Variants in NAV1 observed in about 807,000 individuals in gnomAD.
NAV1 encodes pore membrane and/or filament interacting like protein 3.
A neutral mutation model predicts 175.2 loss-of-function variants in NAV1; 18 were observed. That is an observed-to-expected ratio of 0.10 (90% CI 0.07 to 0.15). The LOEUF is 0.15. Among genes scored for constraint, NAV1 ranks in the 10% least tolerant of loss-of-function variants. The pLI is 1.00. For synonymous variants in NAV1, 897 were observed against 978.7 expected (o/e 0.92, Z 1.56); for missense variants, 1,731 against 2,436.6 (o/e 0.71, Z 6.10).
intron 2 of NAV1, among the ~76,000 whole-genome samples, chr1:201,614,522 G>A (rs1667946924): frequency 6.6e-6 from 1 of 152,224 alleles, no homozygotes; most frequent in African/African-American, 2.4e-5. Flanking sequence ...CCCATCCTGG[G>A]AGATCAGAGG....
intron 1 of NAV1, among the ~76,000 whole-genome samples, chr1:201,544,940 C>G (rs972416658): frequency 6.6e-5 from 10 of 152,172 alleles, no homozygotes; most frequent in African/African-American, 2.4e-4. Flanking sequence ...AAGACTTGAA[C>G]TCAAGGTTCA....
At chr1:201,713,165 C>T (rs1335856991) in intron 2 of NAV1, among the ~76,000 whole-genome samples, 1 of 152,192 alleles carries the variant, frequency 6.6e-6, no homozygotes, top group Non-Finnish European at 1.5e-5. Context: ...AAATCACTAG[C>T]TTAGGAGCCA....
intron 1 of NAV1, among the ~76,000 whole-genome samples, chr1:201,661,967 A>C (rs1215859896): frequency 6.6e-6 from 1 of 152,242 alleles, no homozygotes; most frequent in African/African-American, 2.4e-5. Context: ...TGGGTTAGGT[A>C]CTACTCTTAT....
At chr1:201,662,961 G>A (rs550049130) in intron 1 of NAV1, among the ~76,000 whole-genome samples, 9 of 83,874 alleles carry the variant, frequency 1.1e-4, no homozygotes, top group African/African-American at 1.7e-4. Flanking sequence ...GGAAAGGGAC[G>A]AAGTTTTCTA....
At chr1:201,619,158 G>A (rs1356625147), upstream of NAV1, among the ~76,000 whole-genome samples, 1 of 152,162 alleles carries the variant, frequency 6.6e-6, no homozygotes, top group African/African-American at 2.4e-5. Context: ...TCCTCCCATC[G>A]AGCTTTTGAA....
chr1:201,764,470 C>G (rs1011499335), intron 3 of NAV1, among the ~76,000 whole-genome samples: 1 of 152,160 alleles, frequency 6.6e-6, no homozygotes, highest in Non-Finnish European at 1.5e-5. Context: ...TCTCCTTTTT[C>G]TTATAAGGAC....
intron 1 of NAV1, among the ~76,000 whole-genome samples, chr1:201,545,569 A>G (rs1665643524): frequency 6.6e-6 from 1 of 152,022 alleles, no homozygotes; most frequent in African/African-American, 2.4e-5. Context: ...GCCCAGTCTC[A>G]TCCTATTTCT....
At chr1:201,567,558 A>C (rs1666392653) in intron 1 of NAV1, among the ~76,000 whole-genome samples, 1 of 152,192 alleles carries the variant, frequency 6.6e-6, no homozygotes, top group African/African-American at 2.4e-5. Flanking sequence ...CATATGGTCT[A>C]ACTGAATCAG....
exon 30 of NAV1, chr1:201,822,135 AT>A (rs1371347384): frequency 2.6e-5 from 4 of 152,648 alleles, no homozygotes; most frequent in African/African-American, 9.7e-5. Flanking sequence ...ATTGCTGCTA[AT>A]TCCATGAGCT....
intron 4 of NAV1, 25 bp from the exon 9 acceptor site, chr1:201,780,987 C>T: frequency 6.4e-7 from 1 of 1,572,862 alleles, no homozygotes; most frequent in Non-Finnish European, 8.6e-7. Context: ...AAGTATCTCA[C>T]TCTGCCTTTT....
chr1:201,695,562 A>G (rs1343424158), intron 1 of NAV1, among the ~76,000 whole-genome samples: 2 of 152,184 alleles, frequency 1.3e-5, no homozygotes, highest in East Asian at 3.9e-4. Flanking sequence ...CAGACCTGGA[A>G]AATCTCTCTA....
chr1:201,593,887 G>C (rs1288282380), intron 2 of NAV1, among the ~76,000 whole-genome samples: 3 of 152,064 alleles, frequency 2.0e-5, no homozygotes, highest in African/African-American at 7.2e-5. Context: ...GCCATTGGAG[G>C]CTCACCAGGA....
intron 2 of NAV1, among the ~76,000 whole-genome samples, chr1:201,642,523 T>TTTCTTTCTTTCTTTC (rs1668806546): frequency 2.1e-5 from 2 of 96,574 alleles, no homozygotes; most frequent in African/African-American, 1.4e-4. Context: ...CTTTCTTTCT[T>TTTCTTTCTTTCTTTC]TTTTTCTTTC....
intron 2 of NAV1, among the ~76,000 whole-genome samples, chr1:201,596,547 A>G (rs1667352214): frequency 6.6e-6 from 1 of 152,168 alleles, no homozygotes; most frequent in Admixed American, 6.5e-5. Context: ...ATGGATCAGG[A>G]AAGGGCAGAC....
Position 201,668,989 on chromosome 1 carries a change from G to A in NAV1, c.757+19564G>A, listed in dbSNP as rs115483258. Among the ~76,000 whole-genome samples, 786 of 152,278 alleles carry A rather than the reference G, an allele frequency of 5.2e-3. 8 individuals are homozygous for A. The highest frequency in any genetic ancestry group is 0.018 in the African/African-American group (752 of 41,546). On this transcript the variant is annotated intron_variant, in intron 1 of 29. Coordinates refer to ENST00000367296, the Ensembl canonical transcript of NAV1. ...AAAATGCATGACCAATGGCCTAAGC[G>A]TGGCTGGACCTAGGGTAGGAAAAGA... is the stretch of plus-strand genomic sequence containing the variant.
chr1:201,794,679 T>A, intron 15 of NAV1, 102 bp downstream of exon 19: 2 of 1,063,540 alleles, frequency 1.9e-6, no homozygotes, highest in South Asian at 1.3e-5. Context: ...CTATATCAAG[T>A]CTCTAGAAGG....
At chr1:201,596,623 T>A (rs573854751) in intron 2 of NAV1, among the ~76,000 whole-genome samples, 1 of 152,326 alleles carries the variant, frequency 6.6e-6, no homozygotes, top group South Asian at 2.1e-4. Context: ...CCCATTTCCA[T>A]CATTCTCCAG....
At chr1:201,703,855 G>A (rs1487819258) in intron 1 of NAV1, among the ~76,000 whole-genome samples, 6 of 152,218 alleles carry the variant, frequency 3.9e-5, no homozygotes, top group African/African-American at 1.4e-4. Flanking sequence ...TGTGGTGGAG[G>A]GGGTGGGGTG....
intron 2 of NAV1, among the ~76,000 whole-genome samples, chr1:201,598,048 G>A (rs561096267): frequency 8.5e-5 from 13 of 152,318 alleles, no homozygotes; most frequent in South Asian, 6.2e-4. Context: ...GATACCAGGC[G>A]CCAGGTGGCC....
Sources: gnomAD v4.1 joint callset for allele counts (sites outside exome capture counted in the v4.1 genomes callset) on GRCh38, gnomAD v4.1.1 for gene constraint, MANE v1.5 for transcripts, NCBI Gene and HGNC (gene_info 2026-07-23, HGNC 2026-07-21) for gene names.